GINS2: variants seen among roughly 807,000 people sequenced by gnomAD.
GINS2 encodes the protein DNA replication complex GINS protein PSF2.
GINS2 carries 23 observed loss-of-function variants against 21.2 expected under a neutral mutation model. The ratio of observed to expected loss-of-function variants is 1.08; its 90% confidence interval spans 0.78 to 1.53. The LOEUF (loss-of-function observed/expected upper bound fraction) is 1.53, where lower values mean the gene tolerates loss of function less well. Among genes scored for constraint, GINS2 ranks in the 40% most tolerant of loss-of-function variants. The pLI, the probability that GINS2 is intolerant of heterozygous loss-of-function variation, is 0.00. For missense variants in GINS2, 323 were observed against 233.9 expected (o/e 1.38, Z -2.49); for synonymous variants, 118 against 85.6 (o/e 1.38, Z -2.09).
rs1354435806 is a variant in GINS2 at position 85,688,427 on chromosome 16, CAG to C, written c.90+380_90+381del. 3.2e-4 allele frequency among the ~76,000 whole-genome samples: 48 copies of C among 149,656 alleles called. 1 individual carries two copies. Among genetic ancestry groups the C allele is most frequent in the Admixed American group, 2.5e-3 (38 of 15,066 alleles). On this transcript the variant is annotated intron_variant, in intron 1 of 4. Coordinates refer to ENST00000253462, the MANE Select transcript of GINS2 (RefSeq NM_016095.3). ...CGGGCGTGGTGGCGGGCACCTGTAA[CAG>C]CAGCTACTCAGGAGGCTGAGGCAGG...
At position 85,677,532 on chromosome 16, in the gene GINS2, G is replaced by C. The variant is rs1044191643; in HGVS notation, c.*680C>G. ...TTAAACCTGAGCTAGAAGTAGCCAA[G>C]AGAAGGAGACACCCCAGGTGTTGGT... On this transcript the variant is annotated 3_prime_UTR_variant, in exon 5 of 5. Coordinates refer to ENST00000253462, the MANE Select transcript of GINS2 (RefSeq NM_016095.3). The C allele has an allele frequency of 4.6e-5, 7 of 152,230 alleles. No individual in the cohort carries two copies. The highest frequency in any genetic ancestry group is 1.7e-4 in the African/African-American group (7 of 41,456). The allele number at this position is 152,230 out of a possible 1,614,324, so 9.4% of individuals were successfully genotyped here.
chr16:85,684,325 G>A (rs1338242562), intron 2 of GINS2, among the ~76,000 whole-genome samples: 1 of 151,958 alleles, frequency 6.6e-6, no homozygotes, highest in Non-Finnish European at 1.5e-5. Flanking sequence ...CAGAGCGAGA[G>A]ACTGTCTCAA....
Position 85,677,887 on chromosome 16 carries a change from C to A in GINS2, c.*325G>T, listed in dbSNP as rs765538533. 4.3e-6 allele frequency: 1 copy of A among 233,102 alleles called. No homozygotes were observed. The highest frequency in any genetic ancestry group is 8.5e-6 in the Non-Finnish European group (1 of 118,104). 14.4% of individuals were successfully genotyped at this position (233,102 alleles called of 1,614,324 possible). ...ACCTACCAGTCACTGAACACCTGCC[C>A]AAGTGTGATGGCTTCCATGCAGGAG... On this transcript the variant is annotated 3_prime_UTR_variant, in exon 5 of 5. Coordinates refer to ENST00000253462, the MANE Select transcript of GINS2 (RefSeq NM_016095.3).
intron 3 of GINS2, among the ~76,000 whole-genome samples, 176 bp downstream of exon 3, chr16:85,681,406 C>G (rs918641698): frequency 1.3e-5 from 2 of 152,216 alleles, no homozygotes; most frequent in African/African-American, 4.8e-5. Flanking sequence ...CAGAGTGCAC[C>G]TGGCAGGTGT....
intron 2 of GINS2, 104 bp downstream of exon 2, chr16:85,687,356 G>A (rs531868684): frequency 4.2e-5 from 25 of 596,632 alleles, no homozygotes; most frequent in African/African-American, 1.9e-4. Flanking sequence ...GAGGGAGCAC[G>A]GACCTAGTCA....
chr16:85,681,282 C>T (rs952694618), intron 3 of GINS2, among the ~76,000 whole-genome samples: 3 of 152,130 alleles, frequency 2.0e-5, no homozygotes, highest in Non-Finnish European at 1.5e-5. Flanking sequence ...GGTCCAATGT[C>T]GAGTGATGTG....
At chr16:85,680,889 G>C (rs547031643) in intron 3 of GINS2, among the ~76,000 whole-genome samples, 4 of 152,210 alleles carry the variant, frequency 2.6e-5, no homozygotes, top group Admixed American at 6.5e-5. Flanking sequence ...GCACGCACTA[G>C]GCTGTACACT....
rs760747739 is a variant in GINS2 at position 85,688,844 on chromosome 16, G to A, written c.55C>T (p.Pro19Ser). ...LAEKELVTII[P>S]NFSLDKIYLI... is the part of the protein sequence containing the mutation. Reference sequence around the variant, plus strand: ...TAGATCTTGTCCAGACTGAAGTTGGGGATAATGGTAACCAGCTCCTTCTCG... The same window carrying A: ...TAGATCTTGTCCAGACTGAAGTTGGAGATAATGGTAACCAGCTCCTTCTCG... Residue 19 changes from proline (P) to serine (S), a missense_variant, in exon 1 of 5, where the codon CCC becomes TCC. By Grantham distance (74) the Pro-to-Ser change is moderately conservative (BLOSUM62 -1). Coordinates refer to ENST00000253462, the MANE Select transcript of GINS2 (RefSeq NM_016095.3). 3 of 1,545,830 alleles carry A rather than the reference G, an allele frequency of 1.9e-6. No individual in the cohort carries two copies. Among genetic ancestry groups the A allele is most frequent in the Non-Finnish European group, 2.6e-6 (3 of 1,144,222 alleles).
intron 2 of GINS2, among the ~76,000 whole-genome samples, chr16:85,683,926 G>A (rs983290392): frequency 6.6e-5 from 10 of 152,128 alleles, no homozygotes; most frequent in Admixed American, 1.3e-4. Flanking sequence ...CCAGGTGGCC[G>A]TTTCTTACAA....
chr16:85,686,879 C>T (rs1413329496), intron 2 of GINS2, among the ~76,000 whole-genome samples: 2 of 152,160 alleles, frequency 1.3e-5, no homozygotes, highest in Non-Finnish European at 1.5e-5. Context: ...AATTTTAAAA[C>T]AAATGCTTAT....
intron 2 of GINS2, among the ~76,000 whole-genome samples, chr16:85,681,937 G>A (rs1258883100): frequency 6.6e-6 from 1 of 151,348 alleles, no homozygotes; most frequent in Non-Finnish European, 1.5e-5. Context: ...AACAATGTTA[G>A]AGTCAAAAGT....
chr16:85,686,606 C>G (rs534105934), intron 2 of GINS2, among the ~76,000 whole-genome samples: 1 of 152,146 alleles, frequency 6.6e-6, no homozygotes, highest in Non-Finnish European at 1.5e-5. Context: ...CATACTTAAG[C>G]AACTACTAAT....
chr16:85,681,088 G>T (rs1423446527), intron 3 of GINS2, among the ~76,000 whole-genome samples: 1 of 152,198 alleles, frequency 6.6e-6, no homozygotes, highest in Admixed American at 6.5e-5. Flanking sequence ...CCAGGAAGTG[G>T]GCTTTCCTGT....
intron 2 of GINS2, among the ~76,000 whole-genome samples, chr16:85,684,768 T>C (rs73253282): frequency 0.016 from 2,346 of 150,990 alleles, 66 homozygotes; most frequent in African/African-American, 0.055. Context: ...TCCATTTACA[T>C]GAAGTCCCAG....
intron 3 of GINS2, among the ~76,000 whole-genome samples, chr16:85,679,089 A>G (rs1377031662): frequency 6.6e-6 from 1 of 152,212 alleles, no homozygotes; most frequent in Non-Finnish European, 1.5e-5. Flanking sequence ...ATTCCCCACC[A>G]GGAATCCAGG....
At chr16:85,685,990 AAC>A (rs1266554855) in intron 2 of GINS2, among the ~76,000 whole-genome samples, 1 of 148,366 alleles carries the variant, frequency 6.7e-6, no homozygotes, top group Non-Finnish European at 1.5e-5. Context: ...TCTCCTCACC[AAC>A]ACACACAAAA....
At chr16:85,681,544 G>C (rs1371786572) in intron 3 of GINS2, 38 bp downstream of exon 3, 1 of 1,202,938 alleles carries the variant, frequency 8.3e-7, no homozygotes, top group Admixed American at 1.7e-5. Flanking sequence ...GGCGAGTCCA[G>C]TCTTGGGTGT....
At chr16:85,687,595 C>T (rs1355665602) in intron 1 of GINS2, 21 bp from the exon 2 acceptor site, 1 of 1,394,118 alleles carries the variant, frequency 7.2e-7, no homozygotes, top group East Asian at 2.4e-5. Context: ...TAAAACAATT[C>T]CCCGTAAGAT....
chr16:85,683,764 G>T (rs944556835), intron 2 of GINS2, among the ~76,000 whole-genome samples: 2 of 152,246 alleles, frequency 1.3e-5, no homozygotes, highest in Non-Finnish European at 2.9e-5. Context: ...ACAGCAGAGT[G>T]ATCCTTTCAT....
Sources: gnomAD v4.1 joint callset for allele counts (sites outside exome capture counted in the v4.1 genomes callset) on GRCh38, gnomAD v4.1.1 for gene constraint, MANE v1.5 for transcripts, NCBI Gene and HGNC (gene_info 2026-07-23, HGNC 2026-07-21) for gene names.